The following ZNF385D variants were observed in gnomAD, a reference collection of about 807,000 sequenced individuals.
ZNF385D encodes the protein zinc finger protein 659.
ZNF385D carries 15 observed loss-of-function variants against 35.8 expected under a neutral mutation model. The observed-to-expected ratio is 0.42, with a 90% CI of 0.28 to 0.64. The LOEUF (loss-of-function observed/expected upper bound fraction) is 0.64, where lower values mean the gene tolerates loss of function less well. Ranked by LOEUF, ZNF385D falls within the 30% of genes least tolerant of loss-of-function variation. ZNF385D has a pLI of 0.23. For missense variants in ZNF385D, 474 were observed against 494.6 expected (o/e 0.96, Z 0.39); for synonymous variants, 212 against 186.8 (o/e 1.13, Z -1.10).
Position 22,372,563 on chromosome 3 carries a change from G to A in ZNF385D, c.-8C>T, listed in dbSNP as rs547910579. Reference sequence around the variant, plus strand: ...GCGCCCTGGCCCTGGCATCCGGGAGGAGCAGCCGCCGGGGCTGGCTGTCCC... The same window carrying A: ...GCGCCCTGGCCCTGGCATCCGGGAGAAGCAGCCGCCGGGGCTGGCTGTCCC... On this transcript the variant is annotated 5_prime_UTR_variant, in exon 2 of 6. Coordinates refer to the ZNF385D transcript ENST00000494108. 27 of 985,446 alleles carry A rather than the reference G, an allele frequency of 2.7e-5. No individual in the cohort carries two copies. In the African/African-American group the frequency reaches 4.4e-4, roughly 16 times the overall value. 61.0% of individuals were successfully genotyped at this position (985,446 alleles called of 1,614,324 possible).
At chr3:22,267,287 T>C (rs562606030) in intron 2 of ZNF385D, among the ~76,000 whole-genome samples, 1 of 152,042 alleles carries the variant, frequency 6.6e-6, no homozygotes, top group South Asian at 2.1e-4. Flanking sequence ...TAGGTGTATT[T>C]AAATTCACAA....
At chr3:21,642,259 C>G (rs957028488) in intron 2 of ZNF385D, among the ~76,000 whole-genome samples, 2 of 152,122 alleles carry the variant, frequency 1.3e-5, no homozygotes, top group African/African-American at 4.8e-5. Flanking sequence ...AACTGGCAAC[C>G]CATTTCTCCA....
intron 4 of ZNF385D, among the ~76,000 whole-genome samples, chr3:21,473,435 A>G (rs1035539778): frequency 6.6e-6 from 1 of 152,074 alleles, no homozygotes; most frequent in Non-Finnish European, 1.5e-5. Flanking sequence ...TTTCTGGCAA[A>G]TAGTATCAAG....
At chr3:21,510,440 T>C (rs543583093) in intron 4 of ZNF385D, among the ~76,000 whole-genome samples, 1 of 152,346 alleles carries the variant, frequency 6.6e-6, no homozygotes, top group African/African-American at 2.4e-5. Flanking sequence ...TCTGTAATAA[T>C]GCCCTTATTG....
chr3:22,197,811 T>C (rs757934658), intron 2 of ZNF385D, among the ~76,000 whole-genome samples: 1 of 152,130 alleles, frequency 6.6e-6, no homozygotes, highest in Non-Finnish European at 1.5e-5. Flanking sequence ...CTGCTTAAAA[T>C]ATCTACCTTA....
intron 3 of ZNF385D, among the ~76,000 whole-genome samples, chr3:21,870,317 G>A (rs1044911096): frequency 3.3e-5 from 5 of 152,142 alleles, no homozygotes; most frequent in East Asian, 1.9e-4. Context: ...TCCCCAACAT[G>A]TCTTTTTATT....
chr3:21,496,363 T>TATATACATATATATTTGATATATATATC (rs1705850849), intron 4 of ZNF385D, among the ~76,000 whole-genome samples: 1 of 143,940 alleles, frequency 6.9e-6, no homozygotes, highest in African/African-American at 2.5e-5. Flanking sequence ...GTATATATCA[T>TATATACATATATATTTGATATATATATC]ATATACACAC....
chr3:21,948,881 T>A (rs1216519349), intron 3 of ZNF385D, among the ~76,000 whole-genome samples: 7 of 152,208 alleles, frequency 4.6e-5, no homozygotes, highest in Admixed American at 2.0e-4. Flanking sequence ...GATTTTAGGA[T>A]AAAATTAACA....
chr3:22,370,466 C>T (rs1217384118), intron 2 of ZNF385D, among the ~76,000 whole-genome samples: 1 of 152,108 alleles, frequency 6.6e-6, no homozygotes, highest in East Asian at 1.9e-4. Context: ...TATTTCACAT[C>T]TACAAATTCT....
At chr3:22,300,512 G>A (rs1338183180) in intron 2 of ZNF385D, among the ~76,000 whole-genome samples, 1 of 151,626 alleles carries the variant, frequency 6.6e-6, no homozygotes, top group Non-Finnish European at 1.5e-5. Context: ...ACCTATAGAT[G>A]ACCACAGAAT....
chr3:21,585,449 A>C (rs2063782145), intron 2 of ZNF385D, among the ~76,000 whole-genome samples: 1 of 152,206 alleles, frequency 6.6e-6, no homozygotes, highest in Non-Finnish European at 1.5e-5. Context: ...AACTTTCTAA[A>C]CCAGTTCTCC....
intron 4 of ZNF385D, among the ~76,000 whole-genome samples, chr3:21,470,602 A>G (rs1703821637): frequency 6.6e-6 from 1 of 152,132 alleles, no homozygotes; most frequent in African/African-American, 2.4e-5. Flanking sequence ...TTCAAACTTT[A>G]ATTTTTCTGG....
chr3:22,354,800 TC>T (rs1696074179), intron 2 of ZNF385D, among the ~76,000 whole-genome samples: 1 of 152,090 alleles, frequency 6.6e-6, no homozygotes, highest in Non-Finnish European at 1.5e-5. Flanking sequence ...ATAATAGTCT[TC>T]TATGCCTGTG....
chr3:21,682,058 C>G (rs1333375768), intron 1 of ZNF385D, among the ~76,000 whole-genome samples: 1 of 151,988 alleles, frequency 6.6e-6, no homozygotes, highest in Non-Finnish European at 1.5e-5. Flanking sequence ...ACTGTTGCAC[C>G]AATTTTGGAG....
intron 4 of ZNF385D, among the ~76,000 whole-genome samples, chr3:21,446,486 AC>A (rs1702156667): frequency 1.3e-5 from 1 of 78,632 alleles, no homozygotes; most frequent in Non-Finnish European, 2.5e-5. Flanking sequence ...TAATCAATGA[AC>A]TTTTTTTTTT....
At chr3:22,227,253 CT>C (rs979477407) in intron 2 of ZNF385D, among the ~76,000 whole-genome samples, 7 of 152,046 alleles carry the variant, frequency 4.6e-5, no homozygotes, top group African/African-American at 2.4e-5. Flanking sequence ...TTGTTACACT[CT>C]TTTTTTATGA....
intron 2 of ZNF385D, among the ~76,000 whole-genome samples, chr3:21,660,597 GAAAT>G (rs1308635292): frequency 6.6e-6 from 1 of 152,118 alleles, no homozygotes; most frequent in East Asian, 1.9e-4. Flanking sequence ...ATATGTTAGA[GAAAT>G]AAAGAATAAA....
At position 21,960,067 on chromosome 3, in the gene ZNF385D, T is replaced by C. The variant is rs1702501081; in HGVS notation, c.325+208750A>G. 2.8e-5 allele frequency among the ~76,000 whole-genome samples: 4 copies of C among 141,900 alleles called. No individual in the cohort carries two copies. The South Asian group carries it at 8.9e-4, about 31-fold the overall frequency. 93.1% of individuals were successfully genotyped at this position (141,900 alleles called of 152,430 possible). A position where few individuals can be genotyped will look rare whatever the true frequency, so the allele number is the denominator to read the frequency against. On this transcript the variant is annotated intron_variant, in intron 3 of 5. Coordinates refer to the ZNF385D transcript ENST00000494108. Reference sequence around the variant, plus strand: ...CAAATGGACTATTTTAAGCCAAAAATCTTCTGTACAGCCAAGAATACAATC... The same window carrying C: ...CAAATGGACTATTTTAAGCCAAAAACCTTCTGTACAGCCAAGAATACAATC...
At position 22,126,307 on chromosome 3, in the gene ZNF385D, GTT is replaced by G. The variant is rs1362527119; in HGVS notation, c.325+42508_325+42509del. Among the ~76,000 whole-genome samples the G allele has an allele frequency of 5.0e-4, 38 of 76,454 alleles. No homozygotes were observed. The East Asian group carries it at 0.024, about 49-fold the overall frequency. The allele number at this position is 76,454 out of a possible 152,430, so 50.2% of individuals were successfully genotyped here. Reference sequence around the variant, plus strand: ...GCATCATTAGGTTATGTATTTGAAAGTTGTTTTTTTTTTTTTTTTTTTTCACT... The same window carrying G: ...GCATCATTAGGTTATGTATTTGAAAGGTTTTTTTTTTTTTTTTTTTTCACT... On this transcript the variant is annotated intron_variant, in intron 3 of 5. Transcript: ENST00000494108.
Sources: allele counts gnomAD v4.1 joint callset (sites outside exome capture counted in the v4.1 genomes callset), GRCh38; gene constraint gnomAD v4.1.1; transcripts MANE v1.5; gene names NCBI Gene and HGNC (gene_info 2026-07-23, HGNC 2026-07-21).